Variants in EMILIN2 observed in about 807,000 individuals in gnomAD.
The protein encoded by EMILIN2 is EMILIN-2.
A neutral mutation model predicts 87.1 loss-of-function variants in EMILIN2; 71 were observed. The observed-to-expected ratio is 0.82, with a 90% confidence interval of 0.67 to 0.99. EMILIN2 has a LOEUF of 0.99. Among genes scored for constraint, EMILIN2 ranks in the 50% least tolerant of loss-of-function variants. EMILIN2 has a pLI of 0.00. For missense variants in EMILIN2, 1,407 were observed against 1,371.8 expected (o/e 1.03, Z -0.40); for synonymous variants, 581 against 563.4 (o/e 1.03, Z -0.44).
intron 2 of EMILIN2, among the ~76,000 whole-genome samples, chr18:2,878,982 C>G (rs2076763464): frequency 6.6e-6 from 1 of 152,128 alleles, no homozygotes; most frequent in Non-Finnish European, 1.5e-5. Flanking sequence ...AAATAAAACC[C>G]AGGTCAGTGC....
At chr18:2,906,352 C>T (rs1430383738) in intron 4 of EMILIN2, 1 of 154,878 alleles carries the variant, frequency 6.5e-6, no homozygotes, top group African/African-American at 2.4e-5. Context: ...GGCAGGGTCC[C>T]TCGGCAGCCC....
intron 2 of EMILIN2, among the ~76,000 whole-genome samples, chr18:2,863,421 C>T (rs1481353956): frequency 1.3e-5 from 2 of 152,076 alleles, no homozygotes; most frequent in African/African-American, 4.8e-5. Flanking sequence ...TACGTTGTGT[C>T]TTTGTTCTCG....
At position 2,847,241 on chromosome 18, in the gene EMILIN2, C is replaced by A; in HGVS notation, c.53C>A (p.Ala18Glu). 1 of 1,272,466 alleles carries A rather than the reference C, an allele frequency of 7.9e-7. No individual in the cohort carries two copies. The highest frequency in any genetic ancestry group is 9.9e-7 in the Non-Finnish European group (1 of 1,011,238). 78.8% of individuals were successfully genotyped at this position (1,272,466 alleles called of 1,614,324 possible). A position where few individuals can be genotyped will look rare whatever the true frequency, so the allele number is the denominator to read the frequency against. ...WPRVPWRWAL[A>E]LLALVGAGLC... ...CGCGTGCCCTGGCGCTGGGCGCTGG[C>A]GCTGCTGGCCCTGGTTGGCGCGGGG... The change falls in exon 1 of 8, where the codon GCG (alanine) becomes GAG (glutamate). Residue 18 changes from alanine (A) to glutamate (E), a missense_variant. Ala to Glu is a moderately radical substitution (Grantham distance 107, BLOSUM62 -1). Coordinates refer to ENST00000254528, the MANE Select transcript of EMILIN2 (RefSeq NM_032048.3). The surrounding 1 kb of genome is among the most constrained non-coding windows in gnomAD (Gnocchi z 4.5).
At chr18:2,881,973 G>A (rs1220460525) in intron 2 of EMILIN2, among the ~76,000 whole-genome samples, 2 of 152,178 alleles carry the variant, frequency 1.3e-5, no homozygotes, top group Non-Finnish European at 2.9e-5. Flanking sequence ...CCAGCCCTTA[G>A]GGCCTTCTGG....
intron 4 of EMILIN2, among the ~76,000 whole-genome samples, chr18:2,892,850 G>A (rs1182118832): frequency 6.7e-6 from 1 of 149,222 alleles, no homozygotes; most frequent in South Asian, 2.2e-4. Context: ...TCAGGCATTC[G>A]AGATCAACCT....
intron 4 of EMILIN2, chr18:2,906,336 CCCCCCGGCAGGGT>C (rs1405497097): frequency 1.3e-5 from 2 of 154,190 alleles, no homozygotes; most frequent in African/African-American, 4.8e-5. Flanking sequence ...AGCCCTGGGG[CCCCCCGGCAGGGT>C]CCCTCGGCAG....
intron 2 of EMILIN2, among the ~76,000 whole-genome samples, chr18:2,852,063 G>C (rs1310791648): frequency 2.0e-5 from 3 of 152,130 alleles, no homozygotes; most frequent in Non-Finnish European, 4.4e-5. Flanking sequence ...GCTTTCGGTA[G>C]GTTGCACAGT....
chr18:2,876,639 G>T (rs112860762), intron 2 of EMILIN2, among the ~76,000 whole-genome samples: 1 of 136,562 alleles, frequency 7.3e-6, no homozygotes, highest in Admixed American at 7.1e-5. Flanking sequence ...GGTGGCGGGC[G>T]CCTGTAGTCC....
rs755839911 is a variant in EMILIN2 at position 2,892,114 on chromosome 18, G to A, written c.1987G>A (p.Val663Met). Residue 663 changes from valine to methionine, a missense_variant, in exon 4 of 8, where the codon GTG becomes ATG. Coordinates refer to ENST00000254528, the MANE Select transcript of EMILIN2 (RefSeq NM_032048.3). The part of the protein sequence containing the change: ...VDTLPSPQHP[V>M]AHCCSQLEER... The stretch of plus-strand genomic sequence containing the variant: ...CACCCTGCCGTCCCCCCAGCACCCC[G>A]TGGCTCATTGCTGCAGTCAGCTGGA... 2.1e-5 allele frequency: 34 copies of A among 1,612,360 alleles called. No homozygotes were observed. Among genetic ancestry groups the A allele is most frequent in the Admixed American group, 5.0e-5 (3 of 59,910 alleles).
At position 2,913,256 on chromosome 18, in the gene EMILIN2, CG is replaced by C. The variant is rs750740319; in HGVS notation, c.3019del (p.Ala1007HisfsTer8). The part of the protein sequence containing the change: ...PPGALHTCGG[P>X]GAFHLIVHLK... ...GGAGCTTTGCATACCTGCGGGGGCC[CG>C]GGGGCATTCCACCTCATCGTGCACC... On this transcript the variant is annotated frameshift_variant, in exon 8 of 8. Transcript: ENST00000254528. LOFTEE classifies it high-confidence loss of function. 3 of 1,613,866 alleles carry C rather than the reference CG, an allele frequency of 1.9e-6. No individual in the cohort carries two copies. Among genetic ancestry groups the C allele is most frequent in the African/African-American group, 1.3e-5 (1 of 75,040 alleles).
chr18:2,858,545 ATATATATATATATATATATATATATGTG>A (rs2076640335), intron 2 of EMILIN2, among the ~76,000 whole-genome samples: 2 of 46,508 alleles, frequency 4.3e-5, no homozygotes, highest in Non-Finnish European at 7.0e-5. Flanking sequence ...ATATATATAT[ATATATATATATATATATATATATATGTG>A]TGTGTGTGTG....
intron 2 of EMILIN2, among the ~76,000 whole-genome samples, chr18:2,855,978 A>G (rs2143956786): frequency 6.6e-6 from 1 of 152,322 alleles, no homozygotes; most frequent in African/African-American, 2.4e-5. Context: ...TTTGAAGTTA[A>G]TGCTTACGGA....
chr18:2,913,634 A>C lies in EMILIN2; in HGVS notation c.*230A>C. 10 of 501,094 alleles carry C rather than the reference A, an allele frequency of 2.0e-5. No individual in the cohort carries two copies. The highest frequency in any genetic ancestry group is 8.1e-5 in the South Asian group (3 of 37,250). The allele number at this position is 501,094 out of a possible 1,614,324, so 31.0% of individuals were successfully genotyped here. A position where few individuals can be genotyped will look rare whatever the true frequency, so the allele number is the denominator to read the frequency against. Reference sequence around the variant, plus strand: ...CTGACTTTTCTGCCACTCTAACTGGACAACTGGAAGACTTGGAAAGGCCTC... The same window carrying C: ...CTGACTTTTCTGCCACTCTAACTGGCCAACTGGAAGACTTGGAAAGGCCTC... On this transcript the variant is annotated 3_prime_UTR_variant, in exon 8 of 8. Coordinates refer to ENST00000254528, the MANE Select transcript of EMILIN2 (RefSeq NM_032048.3).
At chr18:2,866,240 C>G (rs553379144) in intron 2 of EMILIN2, among the ~76,000 whole-genome samples, 10 of 152,300 alleles carry the variant, frequency 6.6e-5, no homozygotes, top group Middle Eastern at 6.8e-3. Context: ...GAGACGAACC[C>G]GATACCTCAG....
intron 2 of EMILIN2, among the ~76,000 whole-genome samples, chr18:2,857,176 ATG>A (rs1376807410): frequency 2.6e-5 from 4 of 152,214 alleles, no homozygotes; most frequent in African/African-American, 9.6e-5. Flanking sequence ...TTTCAGGACA[ATG>A]TATTTTATTA....
intron 6 of EMILIN2, 53 bp downstream of exon 6, chr18:2,909,028 T>G: frequency 4.4e-6 from 7 of 1,604,186 alleles, no homozygotes; most frequent in Non-Finnish European, 6.0e-6. Context: ...TGGTGGCCTC[T>G]GCCCCTCCTC....
rs145383187 is a variant in EMILIN2 at position 2,913,213 on chromosome 18, G to C, written c.2971G>C (p.Glu991Gln). 3.1e-6 allele frequency: 5 copies of C among 1,614,028 alleles called. No individual in the cohort carries two copies. Among genetic ancestry groups the C allele is most frequent in the Non-Finnish European group, 4.2e-6 (5 of 1,180,012 alleles). The change falls in exon 8 of 8, where the codon GAA becomes CAA. Residue 991 changes from glutamate (E) to glutamine (Q), a missense_variant. Physicochemically the swap from Glu to Gln is conservative, Grantham distance 29. Coordinates refer to ENST00000254528, the MANE Select transcript of EMILIN2 (RefSeq NM_032048.3). The part of the protein sequence containing the change: ...HTAGYRREFL[E>Q]YHRPPGALHT... ...CGCTGGGTACAGGAGAGAGTTCCTG[G>C]AATACCACCGCCCTCCAGGAGCTTT...
At chr18:2,875,076 G>C (rs905639768) in intron 2 of EMILIN2, among the ~76,000 whole-genome samples, 1 of 152,210 alleles carries the variant, frequency 6.6e-6, no homozygotes, top group Admixed American at 6.5e-5. Context: ...GAAAGCACAG[G>C]GTGACCAAAG....
At chr18:2,903,865 T>C (rs2076898765) in intron 4 of EMILIN2, among the ~76,000 whole-genome samples, 1 of 152,230 alleles carries the variant, frequency 6.6e-6, no homozygotes, top group African/African-American at 2.4e-5. Context: ...GCAATAAGGC[T>C]TTCAATCTGA....
Sources: allele counts gnomAD v4.1 joint callset (sites outside exome capture counted in the v4.1 genomes callset), GRCh38; gene constraint gnomAD v4.1.1; non-coding constraint Gnocchi (gnomAD v3.1); transcripts MANE v1.5; gene names NCBI Gene and HGNC (gene_info 2026-07-23, HGNC 2026-07-21).